The following TTLL7 variants were observed in gnomAD, a reference collection of about 807,000 sequenced individuals.
TTLL7 encodes tubulin polyglutamylase TTLL7.
Under a neutral mutation model 120.2 loss-of-function variants are expected in TTLL7, and 53 were observed. The observed-to-expected ratio is 0.44, with a 90% CI of 0.35 to 0.55. The LOEUF (loss-of-function observed/expected upper bound fraction) is 0.55, where lower values mean the gene tolerates loss of function less well. Ranked by LOEUF, TTLL7 falls within the 20% of genes least tolerant of loss-of-function variation. The probability of loss-of-function intolerance (pLI) is 0.00; values close to 1 mark genes in which losing one functional copy is unlikely to be tolerated. For missense variants in TTLL7, 803 were observed against 1,054.7 expected (o/e 0.76, Z 3.31); for synonymous variants, 353 against 351.7 (o/e 1.00, Z -0.04).
intron 20 of TTLL7, among the ~76,000 whole-genome samples, chr1:83,879,385 G>C (rs990261740): frequency 2.0e-5 from 3 of 151,978 alleles, no homozygotes; most frequent in African/African-American, 7.2e-5. Flanking sequence ...TATCTGATTT[G>C]AGGATTTAAA....
chr1:83,919,203 G>GTTTGTTA (rs949165602), intron 13 of TTLL7, among the ~76,000 whole-genome samples: 3 of 151,650 alleles, frequency 2.0e-5, no homozygotes, highest in African/African-American at 7.3e-5. Flanking sequence ...AAATGAAGTG[G>GTTTGTTA]TTTGTTATGC....
intron 1 of TTLL7, among the ~76,000 whole-genome samples, chr1:83,981,830 CAA>C (rs749082466): frequency 9.2e-5 from 8 of 86,988 alleles, no homozygotes; most frequent in Admixed American, 2.3e-4. Flanking sequence ...GACTCTGTCA[CAA>C]AAAAAAAAAA....
At chr1:83,998,134 C>T (rs1653654459) in intron 1 of TTLL7, among the ~76,000 whole-genome samples, 1 of 152,138 alleles carries the variant, frequency 6.6e-6, no homozygotes, top group African/African-American at 2.4e-5. Context: ...AATCCATGGA[C>T]TATAGAGTCA....
chr1:83,896,970 C>T (rs1056641374), intron 18 of TTLL7, among the ~76,000 whole-genome samples: 1 of 152,096 alleles, frequency 6.6e-6, no homozygotes, highest in Non-Finnish European at 1.5e-5. Flanking sequence ...TATGGAGTTA[C>T]CACAACATGA....
At chr1:83,911,668 A>AT in intron 14 of TTLL7, among the ~76,000 whole-genome samples, 1 of 152,312 alleles carries the variant, frequency 6.6e-6, no homozygotes, top group African/African-American at 2.4e-5. Flanking sequence ...AATATTTGAG[A>AT]TAAAAATATA....
intron 20 of TTLL7, among the ~76,000 whole-genome samples, chr1:83,876,932 C>T (rs1653981272): frequency 6.6e-6 from 1 of 151,938 alleles, no homozygotes; most frequent in African/African-American, 2.4e-5. Flanking sequence ...ACCGCTAATA[C>T]AATGCTGGAT....
At chr1:83,968,628 T>C (rs144338802) in intron 1 of TTLL7, among the ~76,000 whole-genome samples, 1 of 152,076 alleles carries the variant, frequency 6.6e-6, no homozygotes, top group African/African-American at 2.4e-5. Context: ...TGGTCTCTTT[T>C]AACATTGAGA....
chr1:83,938,586 T>C (rs1460310377), intron 7 of TTLL7, among the ~76,000 whole-genome samples: 3 of 152,216 alleles, frequency 2.0e-5, no homozygotes, highest in Non-Finnish European at 4.4e-5. Context: ...GCAGACAGAA[T>C]GCACCACATA....
At chr1:83,954,604 T>C (rs1422650528) in intron 1 of TTLL7, among the ~76,000 whole-genome samples, 1 of 152,176 alleles carries the variant, frequency 6.6e-6, no homozygotes, top group Non-Finnish European at 1.5e-5. Flanking sequence ...TGAGGAGCTT[T>C]TGAAAATCCT....
At chr1:83,873,036 C>G (rs567323144) in intron 20 of TTLL7, among the ~76,000 whole-genome samples, 1 of 152,200 alleles carries the variant, frequency 6.6e-6, no homozygotes, top group East Asian at 1.9e-4. Context: ...TCATTGTATA[C>G]TAATTTCAGT....
intron 1 of TTLL7, 83 bp downstream of exon 1, chr1:83,998,848 C>A: frequency 3.1e-6 from 1 of 326,526 alleles, no homozygotes; most frequent in South Asian, 2.2e-5. Flanking sequence ...GATGGGGGCC[C>A]GGAAAGAGGG....
At position 83,915,074 on chromosome 1, in the gene TTLL7, G is replaced by T. The variant is rs368068084; in HGVS notation, c.1587+2530C>A. ...AAGGTCTAAGCCTAACTGGGGAAAT[G>T]AGGGAAGGTTTCACACAAGCAACAG... On this transcript the variant is annotated intron_variant, in intron 14 of 20. Transcript: ENST00000260505. 2.0e-5 allele frequency among the ~76,000 whole-genome samples: 3 copies of T among 152,154 alleles called. No homozygotes were observed. The East Asian group carries it at 5.8e-4, about 29-fold the overall frequency.
intron 8 of TTLL7, among the ~76,000 whole-genome samples, chr1:83,936,998 TATAGAAAGTAAGATAAA>T (rs1366222078): frequency 6.6e-6 from 1 of 152,094 alleles, no homozygotes; most frequent in African/African-American, 2.4e-5. Context: ...GCCTGTGATA[TATAGAAAGTAAGATAAA>T]AATGTCAACA....
At chr1:83,953,262 C>T (rs565054133) in intron 1 of TTLL7, among the ~76,000 whole-genome samples, 5 of 152,294 alleles carry the variant, frequency 3.3e-5, no homozygotes, top group African/African-American at 1.2e-4. Flanking sequence ...ATTGTTCAGT[C>T]TGTACTATCA....
chr1:83,969,698 C>T (rs1167211045), intron 1 of TTLL7, among the ~76,000 whole-genome samples: 1 of 151,840 alleles, frequency 6.6e-6, no homozygotes, highest in African/African-American at 2.4e-5. Context: ...GAATGTATGT[C>T]AAGCCATTAT....
intron 1 of TTLL7, among the ~76,000 whole-genome samples, chr1:83,975,144 T>C (rs183343688): frequency 2.0e-5 from 3 of 152,224 alleles, no homozygotes; most frequent in African/African-American, 2.4e-5. Flanking sequence ...ACAAGACATG[T>C]ATCAAATATC....
At chr1:83,946,481 A>G (rs1571271541) in intron 6 of TTLL7, 2 of 152,302 alleles carry the variant, frequency 1.3e-5, no homozygotes, top group East Asian at 3.9e-4. Flanking sequence ...AAATACATAA[A>G]CCAGTAACAG....
intron 1 of TTLL7, among the ~76,000 whole-genome samples, chr1:83,967,603 T>C (rs1365899277): frequency 6.6e-6 from 1 of 152,080 alleles, no homozygotes; most frequent in African/African-American, 2.4e-5. Flanking sequence ...GCATGGTAAC[T>C]GCACAAGGCA....
At chr1:83,992,264 T>C (rs376820614) in intron 1 of TTLL7, among the ~76,000 whole-genome samples, 2 of 152,086 alleles carry the variant, frequency 1.3e-5, no homozygotes, top group African/African-American at 4.8e-5. Flanking sequence ...TATTTCCCTA[T>C]CATTATTGTG....
Sources: allele counts gnomAD v4.1 joint callset (sites outside exome capture counted in the v4.1 genomes callset), GRCh38; gene constraint gnomAD v4.1.1; transcripts MANE v1.5; gene names NCBI Gene and HGNC (gene_info 2026-07-23, HGNC 2026-07-21).